Variants in SH3BP5 observed in about 807,000 individuals in gnomAD.
The protein encoded by SH3BP5 is SH3 domain-binding protein 5.
Under a neutral mutation model 43.3 loss-of-function variants are expected in SH3BP5, and 22 were observed. The ratio of observed to expected loss-of-function variants is 0.51; its 90% CI spans 0.36 to 0.73. The LOEUF (loss-of-function observed/expected upper bound fraction) is 0.73. Ranked by LOEUF, SH3BP5 falls within the 30% of genes least tolerant of loss-of-function variation. The pLI, the probability that SH3BP5 is intolerant of heterozygous loss-of-function variation, is 0.00. For missense variants in SH3BP5, 529 were observed against 586.9 expected (o/e 0.90, Z 1.02); for synonymous variants, 255 against 225.8 (o/e 1.13, Z -1.16).
At chr3:15,302,460 T>G (rs542830611) in intron 3 of SH3BP5, among the ~76,000 whole-genome samples, 1 of 152,180 alleles carries the variant, frequency 6.6e-6, no homozygotes. Flanking sequence ...GCAGCCACTC[T>G]GTCTAGGAAT....
chr3:15,334,075 C>A (rs1698671683), upstream of SH3BP5, among the ~76,000 whole-genome samples: 1 of 152,182 alleles, frequency 6.6e-6, no homozygotes, highest in African/African-American at 2.4e-5. Context: ...TCAGCCCTGA[C>A]TATGATAAAT....
At chr3:15,287,908 T>G (rs562763851) in intron 3 of SH3BP5, among the ~76,000 whole-genome samples, 1 of 152,286 alleles carries the variant, frequency 6.6e-6, no homozygotes, top group African/African-American at 2.4e-5. Flanking sequence ...GATTTGGGCT[T>G]GACACTGGAG....
chr3:15,307,267 C>G (rs1478187834), intron 2 of SH3BP5, among the ~76,000 whole-genome samples: 1 of 152,136 alleles, frequency 6.6e-6, no homozygotes, highest in African/African-American at 2.4e-5. Context: ...TAGGGTCATC[C>G]GCTGCAGCTT....
intron 2 of SH3BP5, among the ~76,000 whole-genome samples, chr3:15,318,126 T>C (rs1698228150): frequency 6.6e-6 from 1 of 152,206 alleles, no homozygotes; most frequent in African/African-American, 2.4e-5. Flanking sequence ...TGAAGGACTG[T>C]TGTGAGAATG....
intron 2 of SH3BP5, among the ~76,000 whole-genome samples, chr3:15,314,972 A>T (rs1342719768): frequency 6.6e-6 from 1 of 152,154 alleles, no homozygotes; most frequent in African/African-American, 2.4e-5. Flanking sequence ...AACAGAGGAA[A>T]CCAGAGGAGG....
At chr3:15,258,698 AC>A (rs909209529) in intron 7 of SH3BP5, 132 bp downstream of exon 7, 1 of 678,222 alleles carries the variant, frequency 1.5e-6, no homozygotes, top group African/African-American at 1.8e-5. Context: ...AAACATGGGA[AC>A]CCACCAGAAA....
intron 3 of SH3BP5, among the ~76,000 whole-genome samples, chr3:15,294,793 A>C (rs1378245122): frequency 6.6e-6 from 1 of 152,154 alleles, no homozygotes; most frequent in African/African-American, 2.4e-5. Context: ...TCAAGAGCCT[A>C]CCATGGCTAC....
At chr3:15,270,917 C>T (rs1383302018) in intron 3 of SH3BP5, among the ~76,000 whole-genome samples, 16 of 119,576 alleles carry the variant, frequency 1.3e-4, no homozygotes, top group African/African-American at 4.5e-4. Flanking sequence ...CAGAGTGAGA[C>T]TCCATCTCAA....
intron 3 of SH3BP5, among the ~76,000 whole-genome samples, chr3:15,274,667 T>C (rs1379795261): frequency 2.0e-5 from 3 of 152,192 alleles, no homozygotes; most frequent in Non-Finnish European, 2.9e-5. Context: ...ACAGTCTCCC[T>C]GCCAGCAATA....
intron 3 of SH3BP5, among the ~76,000 whole-genome samples, chr3:15,272,340 G>A (rs191952862): frequency 3.0e-4 from 46 of 152,268 alleles, no homozygotes; most frequent in Admixed American, 1.1e-3. Context: ...GTAATACAAC[G>A]CTGTATGTGA....
chr3:15,280,277 C>A (rs1697085662), intron 3 of SH3BP5, among the ~76,000 whole-genome samples: 1 of 152,120 alleles, frequency 6.6e-6, no homozygotes. Flanking sequence ...CATCCTCCTC[C>A]CGCTCTCACC....
upstream of SH3BP5, among the ~76,000 whole-genome samples, chr3:15,335,377 C>CA (rs59127007): frequency 0.18 from 27,228 of 149,302 alleles, 2,499 homozygotes; most frequent in Middle Eastern, 0.3. Context: ...GACTTTCTCT[C>CA]AAAAAAAAAG....
intron 3 of SH3BP5, among the ~76,000 whole-genome samples, chr3:15,292,357 C>A (rs1697436234): frequency 6.6e-6 from 1 of 152,140 alleles, no homozygotes; most frequent in African/African-American, 2.4e-5. Context: ...CTCAGCCATG[C>A]CTCTGTGAAT....
chr3:15,259,680 G>T, intron 6 of SH3BP5, 81 bp downstream of exon 6: 1 of 1,289,080 alleles, frequency 7.8e-7, no homozygotes, highest in Non-Finnish European at 1.1e-6. Flanking sequence ...AGTGGCCCAT[G>T]TGATACTCTG....
intron 3 of SH3BP5, among the ~76,000 whole-genome samples, chr3:15,279,788 G>A (rs1293681081): frequency 1.3e-5 from 2 of 152,082 alleles, no homozygotes; most frequent in East Asian, 1.9e-4. Flanking sequence ...TCGGTTGGGG[G>A]CATCAGGGAA....
intron 2 of SH3BP5, 127 bp downstream of exon 2, chr3:15,330,377 G>A (rs1247175474): frequency 6.6e-6 from 5 of 753,374 alleles, no homozygotes; most frequent in Non-Finnish European, 9.5e-6. Context: ...CTGTCAGGGA[G>A]CTGTTGCTCA....
intron 3 of SH3BP5, among the ~76,000 whole-genome samples, chr3:15,300,878 G>T (rs1001662344): frequency 6.6e-6 from 1 of 152,144 alleles, no homozygotes; most frequent in Non-Finnish European, 1.5e-5. Flanking sequence ...CTTGGGAGCT[G>T]CCCATTAAGA....
chr3:15,310,536 G>A (rs754845973), intron 2 of SH3BP5, among the ~76,000 whole-genome samples: 5 of 152,158 alleles, frequency 3.3e-5, no homozygotes, highest in Non-Finnish European at 7.3e-5. Context: ...CCAGGGAGGA[G>A]AGTAAGCTGA....
intron 1 of SH3BP5, among the ~76,000 whole-genome samples, chr3:15,338,280 C>A (rs1698725870): frequency 6.6e-6 from 1 of 152,094 alleles, no homozygotes; most frequent in Non-Finnish European, 1.5e-5. Context: ...GAGGTTGAGG[C>A]TGAAGTGAAC....
Sources: gnomAD v4.1 joint callset for allele counts (sites outside exome capture counted in the v4.1 genomes callset) on GRCh38, gnomAD v4.1.1 for gene constraint, MANE v1.5 for transcripts, NCBI Gene and HGNC (gene_info 2026-07-23, HGNC 2026-07-21) for gene names.